ITPK1: variants seen among roughly 807,000 people sequenced by gnomAD.
ITPK1 encodes the protein inositol-tetrakisphosphate 1-kinase.
Under a neutral mutation model 45.3 loss-of-function variants are expected in ITPK1, and 21 were observed. The ratio of observed to expected loss-of-function variants is 0.46; its 90% confidence interval spans 0.33 to 0.67. ITPK1 has a LOEUF of 0.67. Ranked by LOEUF, ITPK1 falls within the 30% of genes least tolerant of loss-of-function variation. The pLI is 0.02. For missense variants in ITPK1, 474 were observed against 573.5 expected (o/e 0.83, Z 1.77); for synonymous variants, 258 against 253.6 (o/e 1.02, Z -0.16).
At position 93,046,174 on chromosome 14, in the gene ITPK1, C is replaced by T. The variant is rs566847388; in HGVS notation, c.121-29373G>A. 4.6e-5 allele frequency among the ~76,000 whole-genome samples: 7 copies of T among 152,376 alleles called. No homozygotes were observed. The East Asian group carries it at 1.3e-3, about 29-fold the overall frequency. ...GGGCATCTTGACCTCATCGCCCAGG[C>T]TGACCACAAGTTCCAAACAGGACTT... On this transcript the variant is annotated intron_variant, in intron 3 of 10. Coordinates refer to ENST00000267615, the MANE Select transcript of ITPK1 (RefSeq NM_014216.6).
chr14:93,098,405 C>T (rs1488218578), intron 2 of ITPK1, among the ~76,000 whole-genome samples: 1 of 150,782 alleles, frequency 6.6e-6, no homozygotes, highest in Non-Finnish European at 1.5e-5. Flanking sequence ...TGTAGTGAGC[C>T]GAGATCACGC....
chr14:93,020,102 G>A (rs1480992539), intron 3 of ITPK1, among the ~76,000 whole-genome samples: 2 of 152,162 alleles, frequency 1.3e-5, no homozygotes, highest in African/African-American at 2.4e-5. Context: ...GTGGCGCTTG[G>A]AGTTCAGAAC....
intron 3 of ITPK1, among the ~76,000 whole-genome samples, chr14:93,020,651 G>A (rs1368136237): frequency 6.6e-6 from 1 of 152,100 alleles, no homozygotes; most frequent in Non-Finnish European, 1.5e-5. Context: ...TTAATCCACT[G>A]TCTCCTGCTC....
At chr14:93,010,476 G>A (rs894208804) in intron 4 of ITPK1, among the ~76,000 whole-genome samples, 3 of 152,218 alleles carry the variant, frequency 2.0e-5, no homozygotes, top group South Asian at 2.1e-4. Context: ...TTCCCTATGC[G>A]GTAGGCAAGG....
intron 2 of ITPK1, among the ~76,000 whole-genome samples, chr14:93,089,957 G>T (rs1242569060): frequency 6.6e-6 from 1 of 152,204 alleles, no homozygotes; most frequent in African/African-American, 2.4e-5. Context: ...AAGAGCGGAA[G>T]AACTGAGGCC....
At chr14:93,037,752 T>A (rs1372383417) in intron 3 of ITPK1, among the ~76,000 whole-genome samples, 1 of 152,258 alleles carries the variant, frequency 6.6e-6, no homozygotes, top group African/African-American at 2.4e-5. Context: ...ATGGTGAGAC[T>A]CAGGCAGAAT....
At chr14:92,974,074 T>C (rs1885801892) in intron 5 of ITPK1, among the ~76,000 whole-genome samples, 1 of 152,204 alleles carries the variant, frequency 6.6e-6, no homozygotes, top group South Asian at 2.1e-4. Flanking sequence ...GCTGAGGAGC[T>C]GCCCTTGCCC....
At chr14:93,098,890 G>A (rs1892196753) in intron 2 of ITPK1, among the ~76,000 whole-genome samples, 1 of 152,136 alleles carries the variant, frequency 6.6e-6, no homozygotes, top group South Asian at 2.1e-4. Flanking sequence ...GCAGGCCCGG[G>A]GCAAGGGGCT....
chr14:93,035,066 C>T (rs1889260047), intron 3 of ITPK1, among the ~76,000 whole-genome samples: 1 of 152,236 alleles, frequency 6.6e-6, no homozygotes, highest in Non-Finnish European at 1.5e-5. Context: ...TTCAGGACAA[C>T]AGCCTGCTGT....
chr14:92,949,748 A>C (rs199898972), intron 9 of ITPK1, among the ~76,000 whole-genome samples: 1 of 152,346 alleles, frequency 6.6e-6, no homozygotes, highest in East Asian at 1.9e-4. Context: ...CCATTTACAA[A>C]AGTGCTCTCG....
intron 4 of ITPK1, among the ~76,000 whole-genome samples, chr14:92,996,053 G>A (rs1887040320): frequency 2.0e-5 from 3 of 152,134 alleles, no homozygotes; most frequent in South Asian, 2.1e-4. Flanking sequence ...CCTCCCCGCC[G>A]AGACTCACAC....
At chr14:92,985,796 G>A (rs1886459875) in intron 5 of ITPK1, among the ~76,000 whole-genome samples, 1 of 152,098 alleles carries the variant, frequency 6.6e-6, no homozygotes, top group African/African-American at 2.4e-5. Flanking sequence ...CACACAGGGT[G>A]TGGTCTGAAA....
rs1256257549 is a variant in ITPK1, at chr14:92,941,435, TA to T, written c.*125del. ...AGATCATGACATCAGAGAATCAGGT[TA>T]AAAATTAAAAAACAGAAGAATCAGA... On this transcript the variant is annotated 3_prime_UTR_variant, in exon 11 of 11. Coordinates refer to ENST00000267615, the MANE Select transcript of ITPK1 (RefSeq NM_014216.6). 7.0e-7 allele frequency: 1 copy of T among 1,418,654 alleles called. No homozygotes were observed. The highest frequency in any genetic ancestry group is 9.1e-7 in the Non-Finnish European group (1 of 1,093,550). 87.9% of individuals were successfully genotyped at this position (1,418,654 alleles called of 1,614,324 possible). A position where few individuals can be genotyped will look rare whatever the true frequency, so the allele number is the denominator to read the frequency against.
At chr14:93,026,175 G>A (rs1888720391) in intron 3 of ITPK1, among the ~76,000 whole-genome samples, 1 of 152,118 alleles carries the variant, frequency 6.6e-6, no homozygotes, top group Non-Finnish European at 1.5e-5. Flanking sequence ...TCAATTTAAG[G>A]AAAACCCATG....
At chr14:93,115,466 C>T (rs1366724077) in intron 1 of ITPK1, among the ~76,000 whole-genome samples, 161 bp from the exon 2 acceptor site, 1 of 148,940 alleles carries the variant, frequency 6.7e-6, no homozygotes, top group Non-Finnish European at 1.5e-5. Flanking sequence ...CGCCGCGCCG[C>T]CCGGCCTGCC....
chr14:92,938,769 G>A lies in ITPK1; in HGVS notation c.*2792C>T. On this transcript the variant is annotated 3_prime_UTR_variant, in exon 11 of 11. Transcript: ENST00000267615. ...GTGGCCTCCCCTTGGCTCTTGGGGTGGGGACACCCAGCAGCTGGCACTCAG... is the reference window on the plus strand; with the variant it reads ...GTGGCCTCCCCTTGGCTCTTGGGGTAGGGACACCCAGCAGCTGGCACTCAG... 1 of 589,824 alleles carries A rather than the reference G, an allele frequency of 1.7e-6. No individual in the cohort carries two copies. The highest frequency in any genetic ancestry group is 3.0e-6 in the Non-Finnish European group (1 of 331,788). The allele number at this position is 589,824 out of a possible 1,614,324, so 36.5% of individuals were successfully genotyped here. A position where few individuals can be genotyped will look rare whatever the true frequency, so the allele number is the denominator to read the frequency against.
intron 8 of ITPK1, among the ~76,000 whole-genome samples, chr14:92,955,239 G>A (rs1187953077): frequency 2.6e-5 from 4 of 152,300 alleles, no homozygotes; most frequent in Admixed American, 6.5e-5. Context: ...GCACTACAAC[G>A]GCAGCATTAA....
At chr14:92,960,975 A>T (rs1885042445) in intron 7 of ITPK1, among the ~76,000 whole-genome samples, 1 of 152,260 alleles carries the variant, frequency 6.6e-6, no homozygotes, top group African/African-American at 2.4e-5. Flanking sequence ...ACTCCTTCCC[A>T]TCACAGCATG....
At position 93,098,417 on chromosome 14, in the gene ITPK1, G is replaced by A. The variant is rs1432731972; in HGVS notation, c.95+16652C>T. Among the ~76,000 whole-genome samples, 563 of 150,496 alleles carry A rather than the reference G, an allele frequency of 3.7e-3. 2 individuals are homozygous for A. The highest frequency in any genetic ancestry group is 7.0e-3 in the Non-Finnish European group (468 of 67,300). ...GCTTGTAGTGAGCCGAGATCACGCT[G>A]CCGCACTCCAACCTGGGCGACAGAG... On this transcript the variant is annotated intron_variant, in intron 2 of 10. Coordinates refer to ENST00000267615, the MANE Select transcript of ITPK1 (RefSeq NM_014216.6).
Sources: gnomAD v4.1 joint callset for allele counts (sites outside exome capture counted in the v4.1 genomes callset) on GRCh38, gnomAD v4.1.1 for gene constraint, MANE v1.5 for transcripts, NCBI Gene and HGNC (gene_info 2026-07-23, HGNC 2026-07-21) for gene names.